Variants in ZMYM2 observed in about 807,000 individuals in gnomAD.
ZMYM2 encodes zinc finger MYM-type protein 2.
ZMYM2 carries 56 observed loss-of-function variants against 162.8 expected under a neutral mutation model. The ratio of observed to expected loss-of-function variants is 0.34; its 90% CI spans 0.28 to 0.43. The LOEUF is 0.43. Among genes scored for constraint, ZMYM2 ranks in the 20% least tolerant of loss-of-function variants. ZMYM2 has a pLI of 1.00. For missense variants in ZMYM2, 1,275 were observed against 1,621.8 expected, an observed-to-expected ratio of 0.79 and a Z score of 3.67; for synonymous variants, 510 against 541.6, an observed-to-expected ratio of 0.94 and a Z score of 0.81.
At chr13:19,982,925 GT>G (rs142006059) in intron 2 of ZMYM2, among the ~76,000 whole-genome samples, 3 of 150,760 alleles carry the variant, frequency 2.0e-5, no homozygotes, top group South Asian at 4.2e-4. Context: ...TAGGTTTGTC[GT>G]TTTTTTTAAA....
intron 14 of ZMYM2, among the ~76,000 whole-genome samples, chr13:20,056,314 C>G (rs1004357019): frequency 1.3e-5 from 2 of 152,186 alleles, no homozygotes; most frequent in African/African-American, 4.8e-5. Flanking sequence ...AAGTTGAACA[C>G]TATCTTCAGG....
At chr13:20,002,417 G>C (rs1950463982) in intron 3 of ZMYM2, among the ~76,000 whole-genome samples, 1 of 152,206 alleles carries the variant, frequency 6.6e-6, no homozygotes, top group Non-Finnish European at 1.5e-5. Context: ...GCTCTGAAGA[G>C]TAAGGCACAG....
At chr13:19,889,595 GC>G in the ZMYM2 span, among the ~76,000 whole-genome samples, 2 of 151,862 alleles carry the variant, frequency 1.3e-5, no homozygotes, top group South Asian at 4.2e-4. Flanking sequence ...GAGCCACTGT[GC>G]CCGGCCTCTT....
rs374763735 is a variant in ZMYM2 at position 20,036,906 on chromosome 13, C to T, written c.2289C>T (p.Tyr763=). ...DCCKKFQDWY[Y]KAARCDCCKS... ...GTAAAAAATTTCAGGATTGGTACTA[C>T]AAGGCGAGTAACTCCTTTATTACAG... The change falls in exon 12 of 25, where the codon TAC becomes TAT. Residue 763 remains tyrosine, a synonymous_variant. Coordinates refer to ENST00000610343, the MANE Select transcript of ZMYM2 (RefSeq NM_197968.4). 1.9e-6 allele frequency: 3 copies of T among 1,605,866 alleles called. No homozygotes were observed. In the African/African-American group the frequency reaches 4.0e-5, roughly 22 times the overall value.
At chr13:20,011,492 C>T (rs1951172875) in intron 6 of ZMYM2, among the ~76,000 whole-genome samples, 1 of 151,900 alleles carries the variant, frequency 6.6e-6, no homozygotes, top group South Asian at 2.1e-4. Flanking sequence ...ATATGTTTTG[C>T]AAATACTGTC....
chr13:19,898,932 C>CTTT, the ZMYM2 span, among the ~76,000 whole-genome samples: 1 of 134,598 alleles, frequency 7.4e-6, no homozygotes, highest in African/African-American at 2.7e-5. Context: ...GACCCCACTT[C>CTTT]TTTTTTTTTT....
intron 14 of ZMYM2, among the ~76,000 whole-genome samples, chr13:20,054,877 G>A (rs1955662244): frequency 6.6e-6 from 1 of 152,082 alleles, no homozygotes; most frequent in African/African-American, 2.4e-5. Context: ...TGCAATGGTG[G>A]AAATTGAGGC....
intron 12 of ZMYM2, among the ~76,000 whole-genome samples, chr13:20,039,575 G>A (rs1954046297): frequency 1.3e-5 from 2 of 149,956 alleles, no homozygotes; most frequent in South Asian, 2.1e-4. Flanking sequence ...CCAGGTTCAC[G>A]TCATTCTCCT....
chr13:20,077,026 C>G (rs558152312), intron 21 of ZMYM2, among the ~76,000 whole-genome samples: 1 of 150,322 alleles, frequency 6.7e-6, no homozygotes, highest in Admixed American at 6.6e-5. Context: ...GACAGGGTTT[C>G]ACCGTGTTGG....
At chr13:19,884,075 A>G in the ZMYM2 span, among the ~76,000 whole-genome samples, 1 of 152,188 alleles carries the variant, frequency 6.6e-6, no homozygotes, top group Non-Finnish European at 1.5e-5. Flanking sequence ...AAAATTCTTT[A>G]AAAGTTAAGT....
Position 20,058,629 on chromosome 13 carries a change from G to A in ZMYM2, c.2548G>A (p.Val850Ile). 1 of 1,613,796 alleles carries A rather than the reference G, an allele frequency of 6.2e-7. No homozygotes were observed. Among genetic ancestry groups the A allele is most frequent in the South Asian group, 1.1e-5 (1 of 91,078 alleles). ...TAACAAAGAGATGAAGAACAAAGCA[G>A]TTCTTTGCAAACCTTTAACAATGAC... Reference protein sequence around the residue: ...TPNKEMKNKAVLCKPLTMTKA... With the variant: ...TPNKEMKNKAILCKPLTMTKA... Residue 850 changes from valine to isoleucine, a missense_variant, in exon 15 of 25, where the codon GTT (valine) becomes ATT (isoleucine). Coordinates refer to ENST00000610343, the MANE Select transcript of ZMYM2 (RefSeq NM_197968.4).
At chr13:19,955,115 A>G (rs185239211), upstream of ZMYM2, among the ~76,000 whole-genome samples, 388 of 151,626 alleles carry the variant, frequency 2.6e-3, no homozygotes, top group Non-Finnish European at 4.6e-3. Context: ...CCCGGCCCCA[A>G]GACTACTTGA....
At chr13:19,874,448 G>A in the ZMYM2 span, among the ~76,000 whole-genome samples, 1 of 152,030 alleles carries the variant, frequency 6.6e-6, no homozygotes, top group African/African-American at 2.4e-5. Flanking sequence ...GCCCAGGCTG[G>A]TCTCTAACTC....
chr13:19,879,058 C>A, the ZMYM2 span, among the ~76,000 whole-genome samples: 300 of 152,308 alleles, frequency 2.0e-3, no homozygotes, highest in African/African-American at 6.9e-3. Flanking sequence ...ACTAAGAGAT[C>A]ATTACCAAAT....
rs542761140 is a variant in ZMYM2, at chr13:19,974,088, C to G, written c.-11+14062C>G. On this transcript the variant is annotated intron_variant, in intron 2 of 24. Coordinates refer to ENST00000610343, the MANE Select transcript of ZMYM2 (RefSeq NM_197968.4). ...TTAATCTCTTAAATTCAGTGAAACC[C>G]TAATCAAATCCCAGTATATTTGCAT... is the stretch of plus-strand genomic sequence containing the variant. Among the ~76,000 whole-genome samples, 3 of 152,262 alleles carry G rather than the reference C, an allele frequency of 2.0e-5. No homozygotes were observed. The South Asian group carries it at 6.2e-4, about 32-fold the overall frequency.
intron 12 of ZMYM2, among the ~76,000 whole-genome samples, chr13:20,046,581 A>ATATATGTG (rs1270115549): frequency 1.8e-4 from 21 of 117,510 alleles, no homozygotes; most frequent in African/African-American, 5.4e-4. Context: ...ATATATATAT[A>ATATATGTG]TGTGTGTGTG....
the ZMYM2 span, among the ~76,000 whole-genome samples, chr13:19,949,005 C>T: frequency 1.3e-5 from 2 of 152,084 alleles, no homozygotes; most frequent in East Asian, 3.9e-4. Flanking sequence ...GAGGGCAGGG[C>T]CAGTTCATAA....
chr13:20,062,952 C>T lies in ZMYM2; in HGVS notation c.3018C>T (p.Ile1006=), dbSNP rs895864747. The stretch of plus-strand genomic sequence containing the variant: ...TACCATATGAACCAGATTTGGATAT[C>T]GAAATAGATTTTCCCAGAGGTACTC... ...PDVPYEPDLD[I]EIDFPRAAEE... Residue 1006 remains isoleucine (I), a synonymous_variant, in exon 18 of 25, where the codon ATC becomes ATT. Coordinates refer to ENST00000610343, the MANE Select transcript of ZMYM2 (RefSeq NM_197968.4). 6 of 1,601,684 alleles carry T rather than the reference C, an allele frequency of 3.7e-6. No individual in the cohort carries two copies. Among genetic ancestry groups the T allele is most frequent in the Middle Eastern group, 1.7e-4 (1 of 6,052 alleles).
At chr13:19,987,529 C>G (rs1007489169) in intron 2 of ZMYM2, among the ~76,000 whole-genome samples, 1 of 150,996 alleles carries the variant, frequency 6.6e-6, no homozygotes, top group African/African-American at 2.4e-5. Flanking sequence ...TCCCAAAGTG[C>G]TGGGATTACA....
Sources: allele counts gnomAD v4.1 joint callset (sites outside exome capture counted in the v4.1 genomes callset), GRCh38; gene constraint gnomAD v4.1.1; transcripts MANE v1.5; gene names NCBI Gene and HGNC (gene_info 2026-07-23, HGNC 2026-07-21).